Variants in RGS12 observed in about 807,000 individuals in gnomAD.
The protein encoded by RGS12 is regulator of G protein signaling 12.
In RGS12, 66 loss-of-function variants were observed where a neutral mutation model predicts 120.1. That is an observed-to-expected ratio of 0.55 (90% confidence interval 0.45 to 0.67). RGS12 has a LOEUF of 0.67. Ranked by LOEUF, RGS12 falls within the 30% of genes least tolerant of loss-of-function variation. RGS12 has a pLI of 0.00. For synonymous variants in RGS12, 827 were observed against 804.7 expected, an observed-to-expected ratio of 1.03 and a Z score of -0.47; for missense variants, 1,859 against 1,957.7, an observed-to-expected ratio of 0.95 and a Z score of 0.95.
chr4:3,367,341 G>A lies in RGS12; in HGVS notation c.1999-19075G>A, dbSNP rs189374861. On this transcript the variant is annotated intron_variant, in intron 3 of 17. Coordinates refer to ENST00000336727, the MANE Select transcript of RGS12 (RefSeq NM_001394154.1). Reference sequence around the variant, plus strand: ...AGCACTCTGCCCACTTTCTCTTCACGCCCCGTCCTGGTGAGGCGGTGCCTG... The same window carrying A: ...AGCACTCTGCCCACTTTCTCTTCACACCCCGTCCTGGTGAGGCGGTGCCTG... Among the ~76,000 whole-genome samples the A allele has an allele frequency of 4.4e-3, 672 of 152,374 alleles. 22 individuals are homozygous for A. The highest frequency in any genetic ancestry group is 0.04 in the Admixed American group (617 of 15,308).
chr4:3,406,327 G>A (rs777073848), intron 4 of RGS12, among the ~76,000 whole-genome samples: 3 of 152,250 alleles, frequency 2.0e-5, no homozygotes, highest in African/African-American at 2.4e-5. Flanking sequence ...CGGGTGGGCC[G>A]AATGAGGCCA....
chr4:3,404,997 G>C (rs1720956115), intron 4 of RGS12, among the ~76,000 whole-genome samples: 1 of 152,204 alleles, frequency 6.6e-6, no homozygotes, highest in South Asian at 2.1e-4. Flanking sequence ...AGGAGGGACT[G>C]AGCTTCCAAA....
chr4:3,315,144 T>C (rs1724655908), intron 1 of RGS12, among the ~76,000 whole-genome samples: 1 of 152,210 alleles, frequency 6.6e-6, no homozygotes, highest in Admixed American at 6.5e-5. Flanking sequence ...GTGACCCCGC[T>C]GGGAGAGGAT....
At chr4:3,352,526 G>A (rs940696251) in intron 3 of RGS12, among the ~76,000 whole-genome samples, 4 of 152,200 alleles carry the variant, frequency 2.6e-5, no homozygotes, top group Admixed American at 1.3e-4. Flanking sequence ...TAGGCATTGC[G>A]ATGGGATACA....
chr4:3,379,232 A>C (rs1016250465), intron 3 of RGS12, among the ~76,000 whole-genome samples: 5 of 152,322 alleles, frequency 3.3e-5, no homozygotes, highest in Non-Finnish European at 5.9e-5. Context: ...GATGTTGGAC[A>C]CAGGATACAG....
chr4:3,324,468 T>C, intron 2 of RGS12: 1 of 237,666 alleles, frequency 4.2e-6, no homozygotes. Context: ...CTCTGGTTGG[T>C]ACTGTGGGCC....
chr4:3,425,834 C>T (rs1472649125), intron 14 of RGS12, among the ~76,000 whole-genome samples: 2 of 12,230 alleles, frequency 1.6e-4, no homozygotes, highest in African/African-American at 4.3e-4. Context: ...GGGGAGAGGG[C>T]GAGCGGGGCC....
intron 9 of RGS12, chr4:3,417,747 T>G: frequency 1.7e-6 from 1 of 581,414 alleles, no homozygotes; most frequent in Non-Finnish European, 3.0e-6. Flanking sequence ...GCAGCAGGGC[T>G]GCTCCAGAAT....
chr4:3,342,363 A>G (rs1440526047), intron 2 of RGS12: 2 of 1,203,058 alleles, frequency 1.7e-6, no homozygotes, highest in African/African-American at 3.2e-5. Flanking sequence ...TGTCGAATTG[A>G]ATTAATTCTG....
chr4:3,332,355 A>G (rs1711954087), intron 2 of RGS12, among the ~76,000 whole-genome samples: 1 of 152,188 alleles, frequency 6.6e-6, no homozygotes, highest in African/African-American at 2.4e-5. Context: ...TAATCACTTC[A>G]TGTTATTTCA....
chr4:3,344,409 G>A (rs1036730742), intron 3 of RGS12, among the ~76,000 whole-genome samples: 3 of 152,154 alleles, frequency 2.0e-5, no homozygotes, highest in Non-Finnish European at 4.4e-5. Context: ...TGAGGACCCC[G>A]GGACCATTTT....
chr4:3,326,738 A>G (rs1478857408), intron 2 of RGS12, among the ~76,000 whole-genome samples: 1 of 152,214 alleles, frequency 6.6e-6, no homozygotes, highest in African/African-American at 2.4e-5. Flanking sequence ...TAAAATACCT[A>G]GGTATCAATT....
At chr4:3,432,299 T>C in intron 17 of RGS12, 1 of 525,524 alleles carries the variant, frequency 1.9e-6, no homozygotes. Context: ...TACCGTAATC[T>C]ACTGGCTTTT....
chr4:3,365,086 G>T lies in RGS12; in HGVS notation c.1999-21330G>T, dbSNP rs562804841. 3.1e-3 allele frequency among the ~76,000 whole-genome samples: 467 copies of T among 152,248 alleles called. 1 individual carries two copies. Among genetic ancestry groups the T allele is most frequent in the Non-Finnish European group, 4.9e-3 (331 of 68,004 alleles). ...AGGATGAGGTGACGGCGGTTTGCAG[G>T]TTCCCCGGGAGCTGTTGGAGCCAGG... On this transcript the variant is annotated intron_variant, in intron 3 of 17. Coordinates refer to ENST00000336727, the MANE Select transcript of RGS12 (RefSeq NM_001394154.1). This position sits in a 1 kb window ranked among gnomAD's most constrained non-coding sequence, Gnocchi z 4.0.
chr4:3,296,480 G>A (rs1175618677), intron 1 of RGS12, among the ~76,000 whole-genome samples: 1 of 152,046 alleles, frequency 6.6e-6, no homozygotes, highest in African/African-American at 2.4e-5. Flanking sequence ...ACGAGCCACC[G>A]CGCCTAGCTT....
At chr4:3,395,174 A>T (rs1719927075) in intron 4 of RGS12, among the ~76,000 whole-genome samples, 1 of 151,222 alleles carries the variant, frequency 6.6e-6, no homozygotes. Context: ...GCGCCACTGC[A>T]CTCCAGCCTG....
chr4:3,386,551 G>A, intron 4 of RGS12, 114 bp downstream of exon 4: 1 of 907,814 alleles, frequency 1.1e-6, no homozygotes, highest in Non-Finnish European at 1.7e-6. Context: ...GCCTTTCCCT[G>A]TCTCCTTGTG....
chr4:3,345,444 A>T (rs1713701668), intron 3 of RGS12, among the ~76,000 whole-genome samples: 2 of 152,180 alleles, frequency 1.3e-5, no homozygotes, highest in African/African-American at 4.8e-5. Flanking sequence ...CTGACCAGTC[A>T]TCCTGCAGTC....
intron 10 of RGS12, 28 bp downstream of exon 10, chr4:3,420,746 AG>A: frequency 6.3e-7 from 1 of 1,590,498 alleles, no homozygotes; most frequent in Non-Finnish European, 8.6e-7. Flanking sequence ...CTCGTCCCAC[AG>A]GCCTCAGGGG....
Sources: allele counts gnomAD v4.1 joint callset (sites outside exome capture counted in the v4.1 genomes callset), GRCh38; gene constraint gnomAD v4.1.1; non-coding constraint Gnocchi (gnomAD v3.1); transcripts MANE v1.5; gene names NCBI Gene and HGNC (gene_info 2026-07-23, HGNC 2026-07-21).